Variants in GLDC observed in about 807,000 individuals in gnomAD.
GLDC encodes the protein glycine decarboxylase.
GLDC carries 104 observed loss-of-function variants against 121.3 expected under a neutral mutation model. The observed-to-expected ratio is 0.86, with a 90% CI of 0.73 to 1.01. The LOEUF is 1.01. Among genes scored for constraint, GLDC ranks in the 50% least tolerant of loss-of-function variants. GLDC has a pLI of 0.00. For synonymous variants in GLDC, 546 were observed against 480.6 expected (o/e 1.14, Z -1.78); for missense variants, 1,429 against 1,306.6 (o/e 1.09, Z -1.44).
chr9:6,596,253 T>C (rs1334517479), intron 8 of GLDC, among the ~76,000 whole-genome samples: 1 of 152,238 alleles, frequency 6.6e-6, no homozygotes, highest in Non-Finnish European at 1.5e-5. Flanking sequence ...GGTTGGTTCA[T>C]GTCCCTTTTT....
In GLDC at chr9:6,639,669, G is replaced by GTATATATATATATA. The variant is rs150365649; in HGVS notation, c.334+4931_334+4944dup. On this transcript the variant is annotated intron_variant, in intron 2 of 24. Transcript: ENST00000321612. ...TATATCTTTTCACCATAAAAAAAAA[G>GTATATATATATATA]TATATATATATATATATATGGACAA... 2,139 of 227,058 alleles carry GTATATATATATATA rather than the reference G, an allele frequency of 9.4e-3. 58 individuals are homozygous for GTATATATATATATA. Among genetic ancestry groups the GTATATATATATATA allele is most frequent in the Middle Eastern group, 0.017 (11 of 648 alleles). The allele number at this position is 227,058 out of a possible 1,614,324, so 14.1% of individuals were successfully genotyped here. A position where few individuals can be genotyped will look rare whatever the true frequency, so the allele number is the denominator to read the frequency against.
chr9:6,607,762 G>C (rs1364127167), intron 4 of GLDC, among the ~76,000 whole-genome samples: 2 of 151,878 alleles, frequency 1.3e-5, no homozygotes, highest in South Asian at 2.1e-4. Flanking sequence ...TTCCACCTCA[G>C]CACCCCGCCC....
intron 4 of GLDC, 139 bp downstream of exon 4, chr9:6,610,053 G>C (rs994731204): frequency 1.3e-5 from 9 of 697,578 alleles, no homozygotes; most frequent in Non-Finnish European, 1.9e-5. Flanking sequence ...TTTTGAACCT[G>C]TTGAGTTTTT....
intron 21 of GLDC, among the ~76,000 whole-genome samples, chr9:6,545,596 T>G (rs1326355724): frequency 1.3e-5 from 2 of 152,184 alleles, no homozygotes; most frequent in Admixed American, 1.3e-4. Flanking sequence ...ATTAATTTAT[T>G]TAAAAAAACT....
At chr9:6,543,835 G>GA (rs1817325376) in intron 21 of GLDC, among the ~76,000 whole-genome samples, 1 of 151,764 alleles carries the variant, frequency 6.6e-6, no homozygotes, top group African/African-American at 2.4e-5. Context: ...GTTTCTGCTG[G>GA]ACCTAACAGT....
intron 13 of GLDC, 71 bp from the exon 14 acceptor site, chr9:6,588,513 C>T: frequency 1.4e-6 from 2 of 1,430,094 alleles, no homozygotes; most frequent in Non-Finnish European, 2.0e-6. Context: ...CCTCCATTCT[C>T]CCAGCATGGC....
chr9:6,589,856 G>A (rs60874990), intron 11 of GLDC, among the ~76,000 whole-genome samples: 49,544 of 151,942 alleles, frequency 0.33, 9,105 homozygotes, highest in African/African-American at 0.48. Flanking sequence ...GGAGATCGAG[G>A]CCATCCTGGC....
chr9:6,639,284 G>A lies in GLDC; in HGVS notation c.334+5330C>T, dbSNP rs539529624. ...ATCCGCACATCACCCACCTTCCGGC[G>A]GTCCAAGACCCTGCGACTCCAGAGA... On this transcript the variant is annotated intron_variant, in intron 2 of 24. Coordinates refer to ENST00000321612, the MANE Select transcript of GLDC (RefSeq NM_000170.3). The A allele has an allele frequency of 3.4e-5, 31 of 917,020 alleles. No homozygotes were observed. In the Middle Eastern group the frequency reaches 1.5e-3, roughly 44 times the overall value. The allele number at this position is 917,020 out of a possible 1,614,324, so 56.8% of individuals were successfully genotyped here.
At chr9:6,641,747 T>C (rs371489438) in intron 2 of GLDC, among the ~76,000 whole-genome samples, 4 of 152,244 alleles carry the variant, frequency 2.6e-5, no homozygotes, top group South Asian at 4.1e-4. Context: ...CTGAGTTATG[T>C]GTAATAAGTA....
chr9:6,624,625 T>TA (rs1819193602), intron 2 of GLDC, among the ~76,000 whole-genome samples: 1 of 152,116 alleles, frequency 6.6e-6, no homozygotes, highest in African/African-American at 2.4e-5. Context: ...GGAAACTAAT[T>TA]AAAAAAACTG....
chr9:6,554,021 A>G (rs1258010950), intron 19 of GLDC, among the ~76,000 whole-genome samples: 1 of 152,202 alleles, frequency 6.6e-6, no homozygotes, highest in Non-Finnish European at 1.5e-5. Context: ...GAAAAAAGTA[A>G]GAAGGCCAAG....
chr9:6,553,619 C>T, intron 19 of GLDC, 110 bp from the exon 20 acceptor site: 2 of 1,009,230 alleles, frequency 2.0e-6, no homozygotes, highest in East Asian at 2.4e-5. Context: ...GGAGCTCTGA[C>T]AGTGGAAGGG....
chr9:6,573,476 A>T (rs1818004184), intron 15 of GLDC, among the ~76,000 whole-genome samples: 1 of 151,904 alleles, frequency 6.6e-6, no homozygotes, highest in African/African-American at 2.4e-5. Context: ...ATAAATAAAT[A>T]AAAGAATACA....
chr9:6,644,050 A>AAAAAAAAAAAAAAAAAAAAAAAC (rs55988287), intron 2 of GLDC, among the ~76,000 whole-genome samples: 1 of 92,702 alleles, frequency 1.1e-5, no homozygotes, highest in Non-Finnish European at 2.0e-5. Flanking sequence ...AAAAAAAAAA[A>AAAAAAAAAAAAAAAAAAAAAAAC]CGAAAAAAAA....
At position 6,553,379 on chromosome 9, in the gene GLDC, C is replaced by T. The variant is rs775834004; in HGVS notation, c.2446G>A (p.Ala816Thr). Reference sequence around the variant, plus strand: ...CTCCCAGGCCTCACCTTGATATAAGCCCAGGAAATGGGCAAGATGGAACTG... The same window carrying T: ...CTCCCAGGCCTCACCTTGATATAAGTCCAGGAAATGGGCAAGATGGAACTG... ...GSSSILPISW[A>T]YIKMMGGKGL... Residue 816 changes from alanine to threonine, a missense_variant, in exon 20 of 25, where the codon GCT becomes ACT. Coordinates refer to ENST00000321612, the MANE Select transcript of GLDC (RefSeq NM_000170.3). 4.5e-5 allele frequency: 72 copies of T among 1,613,942 alleles called. No homozygotes were observed. The highest frequency in any genetic ancestry group is 2.8e-4 in the Admixed American group (17 of 59,994).
intron 20 of GLDC, 122 bp downstream of exon 20, chr9:6,553,246 T>C (rs1403492863): frequency 1.7e-5 from 15 of 885,132 alleles, no homozygotes; most frequent in Non-Finnish European, 2.7e-5. Flanking sequence ...CAATATTCTT[T>C]GAACCACATC....
At chr9:6,541,694 G>A (rs911183774) in intron 21 of GLDC, 9 of 151,690 alleles carry the variant, frequency 5.9e-5, no homozygotes, top group Non-Finnish European at 1.0e-4. Context: ...CAGGTGTAGG[G>A]GCGGGTGCCT....
At chr9:6,642,592 G>T (rs1231409244) in intron 2 of GLDC, among the ~76,000 whole-genome samples, 1 of 152,070 alleles carries the variant, frequency 6.6e-6, no homozygotes, top group African/African-American at 2.4e-5. Context: ...TACTTTTCAG[G>T]AGCCCACTTC....
At chr9:6,610,104 G>A (rs1818821006) in intron 4 of GLDC, 88 bp downstream of exon 4, 1 of 1,019,908 alleles carries the variant, frequency 9.8e-7, no homozygotes, top group Non-Finnish European at 1.5e-6. Flanking sequence ...GCTGACTAAA[G>A]TAATATTCAC....
Sources: allele counts gnomAD v4.1 joint callset (sites outside exome capture counted in the v4.1 genomes callset), GRCh38; gene constraint gnomAD v4.1.1; transcripts MANE v1.5; gene names NCBI Gene and HGNC (gene_info 2026-07-23, HGNC 2026-07-21).